Variants in VPS13B observed in about 807,000 individuals in gnomAD.
VPS13B encodes vacuolar protein sorting 13 homolog B.
VPS13B carries 285 observed loss-of-function variants against 426.4 expected under a neutral mutation model. The ratio of observed to expected loss-of-function variants is 0.67; its 90% CI spans 0.61 to 0.74. VPS13B has a LOEUF of 0.74. Ranked by LOEUF, VPS13B falls within the 30% of genes least tolerant of loss-of-function variation. The pLI is 0.00. For missense variants in VPS13B, 4,537 were observed against 4,782.6 expected, an observed-to-expected ratio of 0.95 and a Z score of 1.51; for synonymous variants, 1,676 against 1,676.4, an observed-to-expected ratio of 1.00 and a Z score of 0.01.
At chr8:99,209,950 A>C (rs753566698) in intron 17 of VPS13B, among the ~76,000 whole-genome samples, 1 of 152,190 alleles carries the variant, frequency 6.6e-6, no homozygotes, top group Non-Finnish European at 1.5e-5. Context: ...CTGTGGGTCT[A>C]AAAATAATAC....
rs1210621543 is a variant in VPS13B at position 99,832,678 on chromosome 8, G to T, written c.9614+26G>T. On this transcript the variant is annotated intron_variant, in intron 52 of 61. Transcript: ENST00000357162. Reference sequence around the variant, plus strand: ...GTATTTTATGTTTATATAAATGTCTGTTCTTCTTTGCTTGTCAGTCTAGCT... The same window carrying T: ...GTATTTTATGTTTATATAAATGTCTTTTCTTCTTTGCTTGTCAGTCTAGCT... 3 of 1,610,940 alleles carry T rather than the reference G, an allele frequency of 1.9e-6. No homozygotes were observed. The African/African-American group carries it at 4.0e-5, about 22-fold the overall frequency.
chr8:99,295,520 A>G (rs952541407), intron 19 of VPS13B, among the ~76,000 whole-genome samples: 1 of 152,232 alleles, frequency 6.6e-6, no homozygotes, highest in African/African-American at 2.4e-5. Context: ...TGTATTTGAT[A>G]CATCTAACCT....
At chr8:99,246,232 G>C (rs546859491) in intron 17 of VPS13B, among the ~76,000 whole-genome samples, 2 of 152,316 alleles carry the variant, frequency 1.3e-5, no homozygotes, top group African/African-American at 4.8e-5. Context: ...AATATATGCT[G>C]ACCTTCAGGC....
Position 99,040,494 on chromosome 8 carries a change from A to G in VPS13B, c.291+1928A>G, listed in dbSNP as rs369090099. ...TTAGCAGTGTACACCTCTGGAGAGTAATGCTTGGGTTTATGCTAGTGATTG... is the reference window on the plus strand; with the variant it reads ...TTAGCAGTGTACACCTCTGGAGAGTGATGCTTGGGTTTATGCTAGTGATTG... On this transcript the variant is annotated intron_variant, in intron 3 of 61. Transcript: ENST00000357162. Among the ~76,000 whole-genome samples the G allele has an allele frequency of 2.4e-3, 361 of 152,294 alleles. 1 individual carries two copies. The highest frequency in any genetic ancestry group is 0.011 in the South Asian group (51 of 4,824).
intron 40 of VPS13B, 86 bp from the exon 41 acceptor site, chr8:99,776,689 T>C: frequency 7.9e-7 from 1 of 1,266,360 alleles, no homozygotes; most frequent in Non-Finnish European, 1.2e-6. Flanking sequence ...GTACTAGTTT[T>C]AGAAACCCTT....
intron 21 of VPS13B, among the ~76,000 whole-genome samples, chr8:99,397,626 C>T (rs558250792): frequency 3.9e-4 from 59 of 152,272 alleles, no homozygotes; most frequent in African/African-American, 1.3e-3. Flanking sequence ...AGTTTAAGCA[C>T]GCACCCTAAA....
intron 17 of VPS13B, among the ~76,000 whole-genome samples, chr8:99,215,136 C>G (rs1815314224): frequency 6.6e-6 from 1 of 152,084 alleles, no homozygotes; most frequent in East Asian, 1.9e-4. Flanking sequence ...TGCAGAATGT[C>G]TAAAGATGAT....
At chr8:99,583,555 A>C (rs574437748) in intron 33 of VPS13B, among the ~76,000 whole-genome samples, 3 of 152,314 alleles carry the variant, frequency 2.0e-5, no homozygotes, top group Admixed American at 2.0e-4. Context: ...AGAAATAATC[A>C]GTTTTGTAGT....
chr8:99,705,460 T>C (rs1441182177), intron 36 of VPS13B, among the ~76,000 whole-genome samples: 1 of 152,154 alleles, frequency 6.6e-6, no homozygotes, highest in African/African-American at 2.4e-5. Flanking sequence ...GTAACTGTTA[T>C]ATGATTAGAT....
chr8:99,314,670 G>A (rs903803514), intron 19 of VPS13B, among the ~76,000 whole-genome samples: 2 of 151,924 alleles, frequency 1.3e-5, no homozygotes. Flanking sequence ...AGGCTGGTGT[G>A]AAACTCCTGG....
chr8:99,130,717 A>C (rs767413058), intron 8 of VPS13B, among the ~76,000 whole-genome samples: 2 of 152,114 alleles, frequency 1.3e-5, no homozygotes, highest in African/African-American at 4.8e-5. Flanking sequence ...CTTTTTCTCT[A>C]TAATAATTGT....
intron 16 of VPS13B, among the ~76,000 whole-genome samples, chr8:99,184,754 G>C (rs1813124822): frequency 6.6e-6 from 1 of 152,200 alleles, no homozygotes; most frequent in South Asian, 2.1e-4. Context: ...ACTTTGGGAG[G>C]CAGATGCTGG....
intron 56 of VPS13B, among the ~76,000 whole-genome samples, chr8:99,858,489 C>A (rs1816666211): frequency 6.6e-6 from 1 of 152,158 alleles, no homozygotes; most frequent in African/African-American, 2.4e-5. Context: ...AGTTCAAGAC[C>A]AGCCTGGCCT....
intron 17 of VPS13B, among the ~76,000 whole-genome samples, chr8:99,254,127 C>CT: frequency 6.6e-6 from 1 of 152,116 alleles, no homozygotes; most frequent in Non-Finnish European, 1.5e-5. Flanking sequence ...TTTTTGCTTG[C>CT]TGTATTCTCC....
chr8:99,106,490 C>T (rs1047298234), intron 5 of VPS13B, among the ~76,000 whole-genome samples: 4 of 149,042 alleles, frequency 2.7e-5, no homozygotes, highest in Non-Finnish European at 4.4e-5. Flanking sequence ...ACCCATATAG[C>T]TAAACGACAT....
chr8:99,387,754 GA>G (rs550452812), intron 20 of VPS13B, among the ~76,000 whole-genome samples: 1 of 149,956 alleles, frequency 6.7e-6, no homozygotes, highest in Admixed American at 6.7e-5. Flanking sequence ...TCTGTTAGGT[GA>G]AAAAAAAATG....
chr8:99,634,738 AATAAC>A (rs1458636891), intron 33 of VPS13B, among the ~76,000 whole-genome samples: 4 of 151,996 alleles, frequency 2.6e-5, no homozygotes, highest in African/African-American at 9.7e-5. Flanking sequence ...TTTCATTAAA[AATAAC>A]ATTAATTGGT....
chr8:99,142,171 A>G (rs1025299123), intron 12 of VPS13B, among the ~76,000 whole-genome samples: 3 of 152,220 alleles, frequency 2.0e-5, no homozygotes, highest in African/African-American at 7.2e-5. Context: ...TTTGTATAAA[A>G]GTATTAGAAG....
At chr8:99,726,039 CTT>C (rs902473802) in intron 39 of VPS13B, among the ~76,000 whole-genome samples, 5 of 152,170 alleles carry the variant, frequency 3.3e-5, no homozygotes, top group Non-Finnish European at 7.4e-5. Flanking sequence ...AGATTTGTCT[CTT>C]TATATTCCTC....
Sources: gnomAD v4.1 joint callset for allele counts (sites outside exome capture counted in the v4.1 genomes callset) on GRCh38, gnomAD v4.1.1 for gene constraint, MANE v1.5 for transcripts, NCBI Gene and HGNC (gene_info 2026-07-23, HGNC 2026-07-21) for gene names.